The following SAR1A variants were observed in gnomAD, a reference collection of about 807,000 sequenced individuals.
SAR1A encodes small COPII coat GTPase SAR1A.
SAR1A carries 6 observed loss-of-function variants against 22.6 expected under a neutral mutation model. The ratio of observed to expected loss-of-function variants is 0.27; its 90% CI spans 0.15 to 0.52. SAR1A has a LOEUF of 0.52. Ranked by LOEUF, SAR1A falls within the 20% of genes least tolerant of loss-of-function variation. SAR1A has a pLI of 0.96. For missense variants in SAR1A, 145 were observed against 245.1 expected, an observed-to-expected ratio of 0.59 and a Z score of 2.73; for synonymous variants, 70 against 82.2, an observed-to-expected ratio of 0.85 and a Z score of 0.80.
chr10:70,149,899 C>T lies in SAR1A; in HGVS notation c.*2577G>A, dbSNP rs1182689604. 1 of 152,140 alleles carries T rather than the reference C, an allele frequency of 6.6e-6. No individual in the cohort carries two copies. Among genetic ancestry groups the T allele is most frequent in the African/African-American group, 2.4e-5 (1 of 41,404 alleles). The allele number at this position is 152,140 out of a possible 1,614,324, so 9.4% of individuals were successfully genotyped here. A position where few individuals can be genotyped will look rare whatever the true frequency, so the allele number is the denominator to read the frequency against. ...TGAGTGAAACACAGCTAAACTAGAA[C>T]TAGTCCTTGCTAGCATGTTAATATA... On this transcript the variant is annotated 3_prime_UTR_variant, in exon 7 of 7. Coordinates refer to ENST00000373241, the MANE Select transcript of SAR1A (RefSeq NM_020150.5).
intron 1 of SAR1A, among the ~76,000 whole-genome samples, chr10:70,167,052 C>T (rs1839564076): frequency 6.6e-6 from 1 of 152,004 alleles, no homozygotes; most frequent in African/African-American, 2.4e-5. Context: ...CAGTAAGTTC[C>T]CAAGCCAGTA....
intron 5 of SAR1A, among the ~76,000 whole-genome samples, chr10:70,157,085 A>T (rs1353589966): frequency 6.6e-6 from 1 of 152,180 alleles, no homozygotes; most frequent in Non-Finnish European, 1.5e-5. Flanking sequence ...TTAGGCTTTC[A>T]CTATGCCAAC....
chr10:70,157,705 AT>A (rs746219422), intron 5 of SAR1A, 58 bp downstream of exon 5: 41 of 1,305,222 alleles, frequency 3.1e-5, no homozygotes, highest in Non-Finnish European at 4.2e-5. Context: ...TTAAAAAAAA[AT>A]AGAGGCCAAA....
intron 1 of SAR1A, among the ~76,000 whole-genome samples, chr10:70,163,228 T>C (rs1177918154): frequency 2.0e-5 from 3 of 152,220 alleles, no homozygotes; most frequent in East Asian, 1.9e-4. Context: ...AACAGCCTTA[T>C]TGCTGATAAA....
intron 1 of SAR1A, chr10:70,163,941 A>G: frequency 6.4e-7 from 1 of 1,553,424 alleles, no homozygotes; most frequent in African/African-American, 1.4e-5. Flanking sequence ...AGAAGAAATT[A>G]GAGAAACATT....
At position 70,152,173 on chromosome 10, in the gene SAR1A, G is replaced by A; in HGVS notation, c.*303C>T. 1 of 405,076 alleles carries A rather than the reference G, an allele frequency of 2.5e-6. No individual in the cohort carries two copies. The highest frequency in any genetic ancestry group is 4.6e-6 in the Non-Finnish European group (1 of 215,136). 25.1% of individuals were successfully genotyped at this position (405,076 alleles called of 1,614,324 possible). A position where few individuals can be genotyped will look rare whatever the true frequency, so the allele number is the denominator to read the frequency against. On this transcript the variant is annotated 3_prime_UTR_variant, in exon 7 of 7. Transcript: ENST00000373241. ...ACTTTCTTTTGAATCAACCACAGTGGTGAGACGTGTTTTTCTTTTCAGGTG... is the reference window on the plus strand; with the variant it reads ...ACTTTCTTTTGAATCAACCACAGTGATGAGACGTGTTTTTCTTTTCAGGTG...
intron 6 of SAR1A, among the ~76,000 whole-genome samples, chr10:70,152,974 A>G (rs1839345139): frequency 6.6e-6 from 1 of 152,226 alleles, no homozygotes; most frequent in African/African-American, 2.4e-5. Context: ...GCATGCAGAA[A>G]TAAACACTCA....
intron 1 of SAR1A, among the ~76,000 whole-genome samples, chr10:70,167,899 T>G (rs1384022500): frequency 2.0e-5 from 3 of 152,246 alleles, no homozygotes; most frequent in African/African-American, 7.2e-5. Flanking sequence ...CTCTGGAAAT[T>G]GAGTCCGCAC....
At chr10:70,160,955 AC>A (rs1839460499) in intron 4 of SAR1A, 48 bp downstream of exon 4, 2 of 1,364,606 alleles carry the variant, frequency 1.5e-6, no homozygotes, top group African/African-American at 1.5e-5. Flanking sequence ...GCTGGGAGGC[AC>A]AAAAAAAATA....
At chr10:70,160,966 A>G (rs748728330) in intron 4 of SAR1A, 38 bp downstream of exon 4, 1 of 1,493,970 alleles carries the variant, frequency 6.7e-7, no homozygotes, top group East Asian at 2.3e-5. Context: ...CAAAAAAAAT[A>G]AGTCAATAAA....
rs1839292905 is a variant in SAR1A at position 70,148,686 on chromosome 10, AG to A, written c.*3789del. 1.3e-5 allele frequency: 2 copies of A among 152,318 alleles called. No individual in the cohort carries two copies. Among genetic ancestry groups the A allele is most frequent in the African/African-American group, 4.8e-5 (2 of 41,420 alleles). The allele number at this position is 152,318 out of a possible 1,614,324, so 9.4% of individuals were successfully genotyped here. A position where few individuals can be genotyped will look rare whatever the true frequency, so the allele number is the denominator to read the frequency against. ...ACCCTGTGGTCCCAAGCTACTTGGG[AG>A]GCTGAGATGGGAGGATCACTTAAGC... is the stretch of plus-strand genomic sequence containing the variant. On this transcript the variant is annotated 3_prime_UTR_variant, in exon 7 of 7. Transcript: ENST00000373241.
chr10:70,161,954 A>G, intron 1 of SAR1A, 23 bp from the exon 2 acceptor site: 1 of 1,518,616 alleles, frequency 6.6e-7, no homozygotes, highest in Non-Finnish European at 9.1e-7. Flanking sequence ...TGAAAGTAGC[A>G]AACATTAGCT....
chr10:70,160,548 T>C (rs1839456217), intron 4 of SAR1A, among the ~76,000 whole-genome samples: 1 of 152,214 alleles, frequency 6.6e-6, no homozygotes, highest in South Asian at 2.1e-4. Flanking sequence ...GTTAAAATGA[T>C]GAAATAATTA....
intron 1 of SAR1A, among the ~76,000 whole-genome samples, chr10:70,164,497 G>A (rs1023686256): frequency 1.3e-5 from 2 of 152,142 alleles, no homozygotes; most frequent in Non-Finnish European, 2.9e-5. Context: ...TGTGGACTAC[G>A]GACAGCCAAC....
chr10:70,148,188 TTTA>T lies in SAR1A; in HGVS notation c.*4285_*4287del, dbSNP rs1191267913. On this transcript the variant is annotated 3_prime_UTR_variant, in exon 7 of 7. Coordinates refer to ENST00000373241, the MANE Select transcript of SAR1A (RefSeq NM_020150.5). Reference sequence around the variant, plus strand: ...CCACCGTACCCGGCCATCATTAATTTTTATTAAGGTTACTGTATTGCTTACCAT... The same window carrying T: ...CCACCGTACCCGGCCATCATTAATTTTTAAGGTTACTGTATTGCTTACCAT... 1 of 152,288 alleles carries T rather than the reference TTTA, an allele frequency of 6.6e-6. No individual in the cohort carries two copies. The highest frequency in any genetic ancestry group is 1.5e-5 in the Non-Finnish European group (1 of 68,064). 9.4% of individuals were successfully genotyped at this position (152,288 alleles called of 1,614,324 possible).
chr10:70,154,085 A>C, intron 5 of SAR1A, 116 bp from the exon 6 acceptor site: 1 of 743,490 alleles, frequency 1.3e-6, no homozygotes, highest in Non-Finnish European at 2.1e-6. Flanking sequence ...ATTAATGTAA[A>C]GTGAAAATCT....
Position 70,150,757 on chromosome 10 carries a change from T to C in SAR1A, c.*1719A>G, listed in dbSNP as rs1839315824. 6.6e-6 allele frequency: 1 copy of C among 152,470 alleles called. No individual in the cohort carries two copies. Among genetic ancestry groups the C allele is most frequent in the Non-Finnish European group, 1.5e-5 (1 of 68,048 alleles). 9.4% of individuals were successfully genotyped at this position (152,470 alleles called of 1,614,324 possible). On this transcript the variant is annotated 3_prime_UTR_variant, in exon 7 of 7. Transcript: ENST00000373241. ...CAACAACTTTGTCTTAATCCAGCTA[T>C]GTTTGCTAATAAACGAAATGCATGC...
intron 1 of SAR1A, among the ~76,000 whole-genome samples, chr10:70,162,496 G>A (rs1220895084): frequency 8.2e-6 from 1 of 121,778 alleles, no homozygotes; most frequent in Non-Finnish European, 1.7e-5. Context: ...GGGAGGGGAG[G>A]AGGGGAAGGG....
intron 1 of SAR1A, chr10:70,164,076 G>A (rs867787594): frequency 1.3e-6 from 1 of 766,934 alleles, no homozygotes; most frequent in Non-Finnish European, 2.4e-6. Context: ...AGCAGATCCT[G>A]ATGGTGATGG....
Sources: gnomAD v4.1 joint callset for allele counts (sites outside exome capture counted in the v4.1 genomes callset) on GRCh38, gnomAD v4.1.1 for gene constraint, MANE v1.5 for transcripts, NCBI Gene and HGNC (gene_info 2026-07-23, HGNC 2026-07-21) for gene names.